CACNA1C: variants seen among roughly 807,000 people sequenced by gnomAD.
CACNA1C encodes voltage-dependent L-type calcium channel subunit alpha-1C.
In CACNA1C, 30 loss-of-function variants were observed where a neutral mutation model predicts 229.0. The observed-to-expected ratio is 0.13, with a 90% CI of 0.10 to 0.18. The LOEUF (loss-of-function observed/expected upper bound fraction) is 0.18, where lower values mean the gene tolerates loss of function less well. CACNA1C is among the 10% of genes least tolerant of loss of function. CACNA1C has a pLI of 1.00. For synonymous variants in CACNA1C, 1,114 were observed against 1,132.5 expected, an observed-to-expected ratio of 0.98 and a Z score of 0.33; for missense variants, 1,658 against 2,845.0, an observed-to-expected ratio of 0.58 and a Z score of 9.49.
rs2061984400 is a variant in CACNA1C at position 2,585,258 on chromosome 12, C to T, written c.2340-118C>T. 1 of 970,434 alleles carries T rather than the reference C, an allele frequency of 1.0e-6. No individual in the cohort carries two copies. Among genetic ancestry groups the T allele is most frequent in the African/African-American group, 1.7e-5 (1 of 60,454 alleles). 60.1% of individuals were successfully genotyped at this position (970,434 alleles called of 1,614,324 possible). A position where few individuals can be genotyped will look rare whatever the true frequency, so the allele number is the denominator to read the frequency against. ...CGTCCTGGAGAAAGGAAGATGGACT[C>T]AGACCCAGGGGATCTGTCCCCTCTG... is the stretch of plus-strand genomic sequence containing the variant. On this transcript the variant is annotated intron_variant, in intron 16 of 46. Coordinates refer to ENST00000399655, the MANE Select transcript of CACNA1C (RefSeq NM_000719.7). This position sits in a 1 kb window ranked among gnomAD's most constrained non-coding sequence, Gnocchi z 4.1.
In CACNA1C at chr12:2,605,362, G is replaced by C. The variant is rs909883446; in HGVS notation, c.3048+194G>C. On this transcript the variant is annotated intron_variant, in intron 23 of 46. Coordinates refer to ENST00000399655, the MANE Select transcript of CACNA1C (RefSeq NM_000719.7). This position sits in a 1 kb window ranked among gnomAD's most constrained non-coding sequence, Gnocchi z 6.2. ...AGTAACAGAGGCAGCCATCCCAAGT[G>C]TCTGCCCTAAGCAGAATGTGCCAAA... Among the ~76,000 whole-genome samples, 1 of 152,198 alleles carries C rather than the reference G, an allele frequency of 6.6e-6. No individual in the cohort carries two copies. Among genetic ancestry groups the C allele is most frequent in the African/African-American group, 2.4e-5 (1 of 41,440 alleles).
chr12:2,145,234 T>TA (rs200953700), intron 3 of CACNA1C, among the ~76,000 whole-genome samples: 1,767 of 151,014 alleles, frequency 0.012, 76 homozygotes, highest in Middle Eastern at 0.031. Context: ...TTTATTTTTG[T>TA]AAAAAAAATG....
At chr12:2,218,434 A>G (rs906895401) in intron 3 of CACNA1C, among the ~76,000 whole-genome samples, 67 of 152,294 alleles carry the variant, frequency 4.4e-4, no homozygotes, top group Middle Eastern at 3.4e-3. Flanking sequence ...AAAGACAGGG[A>G]TATTTTTCCC....
intron 1 of CACNA1C, among the ~76,000 whole-genome samples, chr12:1,975,765 CCA>C (rs1451044249): frequency 1.3e-5 from 2 of 152,140 alleles, no homozygotes; most frequent in Non-Finnish European, 2.9e-5. Flanking sequence ...CTGTAAATCA[CCA>C]TATATGACTT....
At chr12:2,044,283 C>T (rs548558553) in intron 1 of CACNA1C, among the ~76,000 whole-genome samples, 3 of 152,298 alleles carry the variant, frequency 2.0e-5, no homozygotes, top group South Asian at 4.1e-4. Flanking sequence ...AAGTGTCCTG[C>T]CATACTTGAC....
Position 2,371,544 on chromosome 12 carries a change from C to T in CACNA1C, c.478-77432C>T, listed in dbSNP as rs1307531742. ...GGTGAGGACCTGAGAATTTGCATTTCTGACAAGCTCTCAAGTGATGTTGCT... is the reference window on the plus strand; with the variant it reads ...GGTGAGGACCTGAGAATTTGCATTTTTGACAAGCTCTCAAGTGATGTTGCT... On this transcript the variant is annotated intron_variant, in intron 3 of 46. Transcript: ENST00000399655. Among the ~76,000 whole-genome samples the T allele has an allele frequency of 2.0e-5, 3 of 152,220 alleles. 1 individual carries two copies. In the South Asian group the frequency reaches 6.2e-4, roughly 32 times the overall value.
chr12:2,656,719 G>A (rs1168621917), intron 34 of CACNA1C, among the ~76,000 whole-genome samples: 1 of 152,176 alleles, frequency 6.6e-6, no homozygotes, highest in Non-Finnish European at 1.5e-5. Flanking sequence ...CATGGTACTG[G>A]CATAAAAACG....
At chr12:2,643,146 A>G (rs550753134) in intron 30 of CACNA1C, among the ~76,000 whole-genome samples, 1 of 152,300 alleles carries the variant, frequency 6.6e-6, no homozygotes, top group African/African-American at 2.4e-5. Flanking sequence ...GGGGCATTTC[A>G]ACTCAGTGTC....
At position 2,479,476 on chromosome 12, in the gene CACNA1C, T is replaced by TA. The variant is rs2099656430; in HGVS notation, c.758-6627dup. Among the ~76,000 whole-genome samples the TA allele has an allele frequency of 6.6e-6, 1 of 152,246 alleles. No homozygotes were observed. Among genetic ancestry groups the TA allele is most frequent in the African/African-American group, 2.4e-5 (1 of 41,466 alleles). On this transcript the variant is annotated intron_variant, in intron 5 of 46. Coordinates refer to ENST00000399655, the MANE Select transcript of CACNA1C (RefSeq NM_000719.7). The surrounding 1 kb of genome is among the most constrained non-coding windows in gnomAD (Gnocchi z 4.3). ...CGAAGCTTAGAATTTGCCCACCATC[T>TA]AGTGACTCTTTTTGTTTGGATTTGG...
intron 5 of CACNA1C, among the ~76,000 whole-genome samples, chr12:2,464,843 C>A (rs1458293149): frequency 1.3e-5 from 2 of 152,202 alleles, no homozygotes; most frequent in Non-Finnish European, 2.9e-5. Flanking sequence ...CAGGTGAGGA[C>A]TGTTTCCTGA....
chr12:2,285,538 T>G lies in CACNA1C; in HGVS notation c.478-163438T>G, dbSNP rs78161460. On this transcript the variant is annotated intron_variant, in intron 3 of 46. Transcript: ENST00000399655. This position sits in a 1 kb window ranked among gnomAD's most constrained non-coding sequence, Gnocchi z 4.2. ...TTTTGGAACTTAGGAGCTCTGTTCTTAAACTCTCCTTAAACACCTCCTCAT... is the reference window on the plus strand; with the variant it reads ...TTTTGGAACTTAGGAGCTCTGTTCTGAAACTCTCCTTAAACACCTCCTCAT... Among the ~76,000 whole-genome samples, 8,036 of 152,194 alleles carry G rather than the reference T, an allele frequency of 0.053. 263 individuals carry two copies. Among genetic ancestry groups the G allele is most frequent in the African/African-American group, 0.078 (3,230 of 41,524 alleles).
In CACNA1C at chr12:2,696,635, A is replaced by T. The variant is rs925169111; in HGVS notation, c.*5436A>T. The stretch of plus-strand genomic sequence containing the variant: ...AAAAAAAAAAAGCTCTGGGTGGAAG[A>T]GTTTGTAAGTTTTAAGAGAGGGTCA... On this transcript the variant is annotated 3_prime_UTR_variant, in exon 47 of 47. Transcript: ENST00000399655. The T allele has an allele frequency of 4.0e-5, 6 of 149,562 alleles. No homozygotes were observed. Among genetic ancestry groups the T allele is most frequent in the Admixed American group, 2.6e-4 (4 of 15,096 alleles). The allele number at this position is 149,562 out of a possible 1,614,324, so 9.3% of individuals were successfully genotyped here.
intron 1 of CACNA1C, among the ~76,000 whole-genome samples, chr12:2,091,728 G>A (rs1480500474): frequency 6.6e-6 from 1 of 152,248 alleles, no homozygotes; most frequent in Non-Finnish European, 1.5e-5. Flanking sequence ...GGGGGTGATG[G>A]TCATTATTCA....
intron 9 of CACNA1C, among the ~76,000 whole-genome samples, chr12:2,519,753 G>A (rs980629443): frequency 1.3e-5 from 2 of 152,182 alleles, no homozygotes; most frequent in South Asian, 2.1e-4. Context: ...ACCCATGGGC[G>A]AGGTCCTGTG....
At chr12:2,463,327 G>T (rs1369452496) in intron 5 of CACNA1C, among the ~76,000 whole-genome samples, 1 of 152,182 alleles carries the variant, frequency 6.6e-6, no homozygotes, top group African/African-American at 2.4e-5. Flanking sequence ...TTATCAATTT[G>T]TTCAACAAAA....
In CACNA1C at chr12:2,082,925, C is replaced by T. The variant is rs368063333; in HGVS notation, c.49+29314C>T. On this transcript the variant is annotated intron_variant, in intron 1 of 46. Coordinates refer to ENST00000399655, the MANE Select transcript of CACNA1C (RefSeq NM_000719.7). ...ACATACACACACTGAATAATTAACT[C>T]GTTACGCCTGTGAAAATAGTTTTTT... Among the ~76,000 whole-genome samples, 324 of 152,300 alleles carry T rather than the reference C, an allele frequency of 2.1e-3. 1 individual carries two copies. Among genetic ancestry groups the T allele is most frequent in the African/African-American group, 7.4e-3 (307 of 41,564 alleles).
At chr12:2,021,696 C>A (rs1023026810) in intron 1 of CACNA1C, among the ~76,000 whole-genome samples, 1 of 151,976 alleles carries the variant, frequency 6.6e-6, no homozygotes. Context: ...AAAAAGACAT[C>A]TTTTCTCTCA....
chr12:1,989,775 A>G (rs1038075708), intron 1 of CACNA1C, among the ~76,000 whole-genome samples: 1 of 152,224 alleles, frequency 6.6e-6, no homozygotes, highest in African/African-American at 2.4e-5. Flanking sequence ...CTTAAGTATT[A>G]TATTTGGGAA....
chr12:2,596,667 G>A (rs1601556940), intron 20 of CACNA1C, among the ~76,000 whole-genome samples: 1 of 152,080 alleles, frequency 6.6e-6, no homozygotes, highest in African/African-American at 2.4e-5. Context: ...TCCATCACCT[G>A]AAATATAATA....
Sources: gnomAD v4.1 joint callset for allele counts (sites outside exome capture counted in the v4.1 genomes callset) on GRCh38, gnomAD v4.1.1 for gene constraint, Gnocchi (gnomAD v3.1) non-coding constraint, MANE v1.5 for transcripts, NCBI Gene and HGNC (gene_info 2026-07-23, HGNC 2026-07-21) for gene names.